Variants in DCC observed in about 807,000 individuals in gnomAD.
The protein encoded by DCC is DCC netrin 1 receptor.
DCC carries 58 observed loss-of-function variants against 172.5 expected under a neutral mutation model. The observed-to-expected ratio is 0.34, with a 90% CI of 0.27 to 0.42. DCC has a LOEUF of 0.42. Ranked by LOEUF, DCC falls within the 10% of genes least tolerant of loss-of-function variation. The pLI, the probability that DCC is intolerant of heterozygous loss-of-function variation, is 1.00. For missense variants in DCC, 1,740 were observed against 1,791.0 expected, an observed-to-expected ratio of 0.97 and a Z score of 0.51; for synonymous variants, 709 against 644.5, an observed-to-expected ratio of 1.10 and a Z score of -1.52.
At chr18:52,826,437 T>C (rs1396943071) in intron 2 of DCC, among the ~76,000 whole-genome samples, 1 of 152,134 alleles carries the variant, frequency 6.6e-6, no homozygotes, top group African/African-American at 2.4e-5. Context: ...TTTGGAGTCT[T>C]GTTTTTGGTA....
chr18:53,319,024 C>G (rs2057376678), intron 13 of DCC, among the ~76,000 whole-genome samples: 1 of 152,012 alleles, frequency 6.6e-6, no homozygotes, highest in African/African-American at 2.4e-5. Context: ...GTTTCATAAG[C>G]AAAGAAGAAA....
At chr18:53,157,286 C>T (rs2054754287) in intron 7 of DCC, 70 bp from the exon 8 acceptor site, 2 of 1,602,182 alleles carry the variant, frequency 1.2e-6, no homozygotes, top group Admixed American at 3.3e-5. Flanking sequence ...AATAGGTTGG[C>T]TCTGCCTTCC....
At chr18:52,729,162 ATTG>A (rs1204572398) in intron 1 of DCC, among the ~76,000 whole-genome samples, 2 of 152,170 alleles carry the variant, frequency 1.3e-5, no homozygotes, top group South Asian at 2.1e-4. Flanking sequence ...ATTCTGTTTT[ATTG>A]TTGTTGTTTG....
At chr18:53,171,354 A>G (rs1333515569) in intron 8 of DCC, among the ~76,000 whole-genome samples, 1 of 152,188 alleles carries the variant, frequency 6.6e-6, no homozygotes, top group African/African-American at 2.4e-5. Context: ...CAGAGGTTGA[A>G]CCATAGAGTT....
At chr18:53,027,939 G>A (rs1272182651) in intron 5 of DCC, among the ~76,000 whole-genome samples, 1 of 152,126 alleles carries the variant, frequency 6.6e-6, no homozygotes, top group Non-Finnish European at 1.5e-5. Context: ...GAGCAAAGAA[G>A]TGAAGGCAGG....
chr18:53,287,485 T>C (rs2144741175), intron 12 of DCC, among the ~76,000 whole-genome samples: 1 of 152,340 alleles, frequency 6.6e-6, no homozygotes, highest in African/African-American at 2.4e-5. Flanking sequence ...ATGTTTTCAG[T>C]TACCTTAGGT....
At chr18:52,635,924 A>G (rs1455522195) in intron 1 of DCC, among the ~76,000 whole-genome samples, 1 of 152,206 alleles carries the variant, frequency 6.6e-6, no homozygotes, top group African/African-American at 2.4e-5. Flanking sequence ...CAGATTGACT[A>G]CAAGAGCAAA....
At chr18:52,440,168 C>T (rs1241121276) in intron 1 of DCC, among the ~76,000 whole-genome samples, 1 of 152,186 alleles carries the variant, frequency 6.6e-6, no homozygotes, top group Non-Finnish European at 1.5e-5. Flanking sequence ...ATTTGAAGCG[C>T]ATACCCCTTC....
intron 1 of DCC, among the ~76,000 whole-genome samples, chr18:52,683,426 G>A (rs4940206): frequency 0.46 from 70,052 of 151,888 alleles, 16,304 homozygotes; most frequent in Non-Finnish European, 0.51. Context: ...AGCAAACACA[G>A]GGACAATACG....
At chr18:53,289,498 CT>C (rs2056975708) in intron 12 of DCC, among the ~76,000 whole-genome samples, 1 of 152,066 alleles carries the variant, frequency 6.6e-6, no homozygotes, top group African/African-American at 2.4e-5. Context: ...ATTATATAAT[CT>C]TTCACTGGAA....
Position 53,094,113 on chromosome 18 carries a change from T to C in DCC, c.1261+27947T>C, listed in dbSNP as rs2043050985. The stretch of plus-strand genomic sequence containing the variant: ...GATTTCCTTATTAACCCATTTCATT[T>C]TGTGGTAATATTTACAGACTTTTCC... On this transcript the variant is annotated intron_variant, in intron 7 of 28. Transcript: ENST00000442544. Among the ~76,000 whole-genome samples the C allele has an allele frequency of 2.0e-5, 3 of 152,232 alleles. No individual in the cohort carries two copies. The South Asian group carries it at 6.2e-4, about 32-fold the overall frequency.
intron 1 of DCC, among the ~76,000 whole-genome samples, chr18:52,562,522 C>A (rs1325693973): frequency 1.3e-5 from 2 of 152,062 alleles, no homozygotes; most frequent in Non-Finnish European, 2.9e-5. Context: ...ATAGAAATGA[C>A]CTTGCCAAGT....
At chr18:53,507,078 T>C (rs886641055) in intron 27 of DCC, among the ~76,000 whole-genome samples, 1 of 141,646 alleles carries the variant, frequency 7.1e-6, no homozygotes, top group African/African-American at 2.5e-5. Flanking sequence ...ATATTCTCCC[T>C]TTCTCCTTTT....
At chr18:53,141,672 C>T (rs1487778170) in intron 7 of DCC, among the ~76,000 whole-genome samples, 1 of 152,188 alleles carries the variant, frequency 6.6e-6, no homozygotes, top group African/African-American at 2.4e-5. Context: ...TCATCAGAGT[C>T]ATTGGTATAT....
intron 9 of DCC, among the ~76,000 whole-genome samples, chr18:53,201,729 C>T (rs1368416509): frequency 2.0e-5 from 3 of 152,112 alleles, no homozygotes; most frequent in African/African-American, 7.2e-5. Context: ...CATCACTGTA[C>T]ACTTTAAGAC....
intron 1 of DCC, among the ~76,000 whole-genome samples, chr18:52,358,221 A>C (rs1400480408): frequency 6.6e-6 from 1 of 152,182 alleles, no homozygotes; most frequent in Non-Finnish European, 1.5e-5. Context: ...CACTTTTAAC[A>C]AGCTCTCTAG....
At chr18:53,406,339 C>T (rs1909645455) in intron 19 of DCC, among the ~76,000 whole-genome samples, 1 of 151,738 alleles carries the variant, frequency 6.6e-6, no homozygotes, top group African/African-American at 2.4e-5. Flanking sequence ...GAAGGCAGAT[C>T]TTTTTATTCC....
At chr18:52,350,999 C>T (rs570046560) in intron 1 of DCC, among the ~76,000 whole-genome samples, 1 of 152,224 alleles carries the variant, frequency 6.6e-6, no homozygotes, top group Admixed American at 6.5e-5. Context: ...TGTTAACAAA[C>T]CCACAATTCC....
Position 53,213,647 on chromosome 18 carries a change from CAAAAAAAAAA to C in DCC, c.1862-1883_1862-1874del, listed in dbSNP as rs34284373. Among the ~76,000 whole-genome samples the C allele has an allele frequency of 3.1e-4, 11 of 35,376 alleles. No homozygotes were observed. The South Asian group carries it at 0.011, about 36-fold the overall frequency. The allele number at this position is 35,376 out of a possible 152,430, so 23.2% of individuals were successfully genotyped here. ...TGGGTGACAGAGCGAGACTCCGTCT[CAAAAAAAAAA>C]AAAAAAAAAAAAAAAAAGAAGTGAC... On this transcript the variant is annotated intron_variant, in intron 11 of 28. Coordinates refer to ENST00000442544, the MANE Select transcript of DCC (RefSeq NM_005215.4).
Sources: gnomAD v4.1 joint callset for allele counts (sites outside exome capture counted in the v4.1 genomes callset) on GRCh38, gnomAD v4.1.1 for gene constraint, MANE v1.5 for transcripts, NCBI Gene and HGNC (gene_info 2026-07-23, HGNC 2026-07-21) for gene names.